DIAPH3: variants seen among roughly 807,000 people sequenced by gnomAD.
DIAPH3 encodes protein diaphanous homolog 3.
A neutral mutation model predicts 144.3 loss-of-function variants in DIAPH3; 117 were observed. The observed-to-expected ratio is 0.81, with a 90% confidence interval of 0.70 to 0.95. DIAPH3 has a LOEUF of 0.95. Among genes scored for constraint, DIAPH3 ranks in the 40% least tolerant of loss-of-function variants. The probability of loss-of-function intolerance (pLI) is 0.00; values close to 1 mark genes in which losing one functional copy is unlikely to be tolerated. For synonymous variants in DIAPH3, 519 were observed against 488.9 expected, an observed-to-expected ratio of 1.06 and a Z score of -0.81; for missense variants, 1,421 against 1,412.7, an observed-to-expected ratio of 1.01 and a Z score of -0.09.
At chr13:59,846,725 A>G (rs1462361377) in intron 22 of DIAPH3, among the ~76,000 whole-genome samples, 1 of 152,164 alleles carries the variant, frequency 6.6e-6, no homozygotes, top group African/African-American at 2.4e-5. Flanking sequence ...AATACTGAAA[A>G]AAAATCAAAG....
chr13:59,877,653 C>A (rs150521602), intron 21 of DIAPH3, among the ~76,000 whole-genome samples: 1 of 152,068 alleles, frequency 6.6e-6, no homozygotes, highest in African/African-American at 2.4e-5. Flanking sequence ...TATCTTGCTA[C>A]GAAACATCTG....
chr13:60,113,371 T>C (rs371906150), intron 2 of DIAPH3, among the ~76,000 whole-genome samples: 3 of 152,346 alleles, frequency 2.0e-5, no homozygotes, highest in South Asian at 4.1e-4. Flanking sequence ...GTCACAGTAT[T>C]GTTTATTCAA....
chr13:60,075,333 G>C (rs2057345018), intron 4 of DIAPH3, among the ~76,000 whole-genome samples: 1 of 152,028 alleles, frequency 6.6e-6, no homozygotes, highest in African/African-American at 2.4e-5. Flanking sequence ...TTGATACATA[G>C]CAAACGTTTT....
At chr13:59,953,188 T>A (rs2049190945) in intron 17 of DIAPH3, among the ~76,000 whole-genome samples, 1 of 152,124 alleles carries the variant, frequency 6.6e-6, no homozygotes. Context: ...GGAGCACATA[T>A]CTGGAGCATG....
At chr13:60,119,766 A>AG (rs2058796800) in intron 2 of DIAPH3, among the ~76,000 whole-genome samples, 1 of 151,168 alleles carries the variant, frequency 6.6e-6, no homozygotes, top group African/African-American at 2.4e-5. Flanking sequence ...AAAAAAAAAA[A>AG]AAAAAGAAAT....
At chr13:59,901,908 C>A (rs551666833) in intron 20 of DIAPH3, among the ~76,000 whole-genome samples, 2 of 152,326 alleles carry the variant, frequency 1.3e-5, no homozygotes, top group East Asian at 3.9e-4. Flanking sequence ...TGGCTCACTG[C>A]ACCCTCTGCC....
chr13:59,847,715 A>T (rs2139827501), intron 22 of DIAPH3, among the ~76,000 whole-genome samples: 1 of 152,274 alleles, frequency 6.6e-6, no homozygotes, highest in East Asian at 1.9e-4. Flanking sequence ...GTCACAGGGG[A>T]AATGTTAAGC....
chr13:59,971,886 C>A (rs1196888575), intron 15 of DIAPH3, among the ~76,000 whole-genome samples: 1 of 152,180 alleles, frequency 6.6e-6, no homozygotes, highest in Non-Finnish European at 1.5e-5. Flanking sequence ...CTCCTACTAG[C>A]CTCTTCAGTC....
intron 17 of DIAPH3, among the ~76,000 whole-genome samples, chr13:59,962,590 C>T (rs535467951): frequency 6.6e-6 from 1 of 152,116 alleles, no homozygotes; most frequent in South Asian, 2.1e-4. Context: ...TAGGACCCAA[C>T]GAGGGACTCC....
intron 18 of DIAPH3, 138 bp downstream of exon 18, chr13:59,924,635 GGA>G: frequency 7.4e-7 from 1 of 1,352,978 alleles, no homozygotes; most frequent in Non-Finnish European, 9.7e-7. Flanking sequence ...TTTACCTAAA[GGA>G]GAGTTATCTG....
chr13:60,050,179 G>A (rs2056269930), intron 4 of DIAPH3, among the ~76,000 whole-genome samples: 1 of 152,160 alleles, frequency 6.6e-6, no homozygotes, highest in African/African-American at 2.4e-5. Flanking sequence ...AGGCAACAGA[G>A]CAAAACTGTG....
chr13:59,694,872 C>A (rs2033717862), intron 27 of DIAPH3, among the ~76,000 whole-genome samples: 1 of 152,010 alleles, frequency 6.6e-6, no homozygotes, highest in Non-Finnish European at 1.5e-5. Context: ...AATAGGTTAT[C>A]AAGCAAAAAA....
At chr13:59,773,438 A>G (rs1162535940) in intron 27 of DIAPH3, among the ~76,000 whole-genome samples, 1 of 152,216 alleles carries the variant, frequency 6.6e-6, no homozygotes, top group Non-Finnish European at 1.5e-5. Flanking sequence ...TTACATTTAT[A>G]AATCTGGCAA....
At chr13:59,828,257 C>G (rs1355549918) in intron 24 of DIAPH3, among the ~76,000 whole-genome samples, 1 of 152,056 alleles carries the variant, frequency 6.6e-6, no homozygotes, top group East Asian at 1.9e-4. Flanking sequence ...CCCCAGCAAC[C>G]AGGCTTTACA....
Position 60,163,914 on chromosome 13 carries a change from G to C in DIAPH3, c.-148C>G. 9.7e-7 allele frequency: 1 copy of C among 1,033,030 alleles called. No homozygotes were observed. The highest frequency in any genetic ancestry group is 1.4e-6 in the Non-Finnish European group (1 of 732,496). 64.0% of individuals were successfully genotyped at this position (1,033,030 alleles called of 1,614,324 possible). A position where few individuals can be genotyped will look rare whatever the true frequency, so the allele number is the denominator to read the frequency against. On this transcript the variant is annotated 5_prime_UTR_variant, in exon 1 of 28. Coordinates refer to ENST00000400324, the MANE Select transcript of DIAPH3 (RefSeq NM_001042517.2). ...TAGCCCAACCGCTGAAGTCGGGGCCGCAGCCAACACATCTGAAAACTCCCG... is the reference window on the plus strand; with the variant it reads ...TAGCCCAACCGCTGAAGTCGGGGCCCCAGCCAACACATCTGAAAACTCCCG...
intron 21 of DIAPH3, among the ~76,000 whole-genome samples, chr13:59,873,274 T>C (rs572344028): frequency 6.6e-6 from 1 of 152,230 alleles, no homozygotes; most frequent in East Asian, 1.9e-4. Context: ...AGAATAAAAA[T>C]CCCTCTCAAA....
chr13:59,806,886 C>T (rs1321040998), intron 25 of DIAPH3, among the ~76,000 whole-genome samples: 11 of 151,688 alleles, frequency 7.3e-5, no homozygotes, highest in Non-Finnish European at 5.9e-5. Context: ...TTCAATGTAT[C>T]AATTTAAAAG....
At chr13:59,714,284 C>A (rs1043309347) in intron 27 of DIAPH3, among the ~76,000 whole-genome samples, 4 of 146,950 alleles carry the variant, frequency 2.7e-5, no homozygotes, top group African/African-American at 1.0e-4. Context: ...GGCGTGAACC[C>A]GGGAGGCGGA....
chr13:59,848,307 C>CTTTTTTTTTTTT (rs71089517), intron 22 of DIAPH3, among the ~76,000 whole-genome samples: 3 of 128,066 alleles, frequency 2.3e-5, no homozygotes, highest in Non-Finnish European at 4.9e-5. Context: ...AAAGTCAAAT[C>CTTTTTTTTTTTT]TTTTTTTTTT....
Sources: allele counts gnomAD v4.1 joint callset (sites outside exome capture counted in the v4.1 genomes callset), GRCh38; gene constraint gnomAD v4.1.1; transcripts MANE v1.5; gene names NCBI Gene and HGNC (gene_info 2026-07-23, HGNC 2026-07-21).